TRIM66: variants seen among roughly 807,000 people sequenced by gnomAD.
TRIM66 encodes the protein tripartite motif-containing protein 66.
Under a neutral mutation model 148.2 loss-of-function variants are expected in TRIM66, and 99 were observed. That is an observed-to-expected ratio of 0.67 (90% CI 0.57 to 0.79). TRIM66 has a LOEUF of 0.79. TRIM66 is among the 30% of genes least tolerant of loss of function. The pLI is 0.00. For missense variants in TRIM66, 1,666 were observed against 1,697.9 expected, an observed-to-expected ratio of 0.98 and a Z score of 0.33; for synonymous variants, 616 against 635.9, an observed-to-expected ratio of 0.97 and a Z score of 0.47.
At chr11:8,628,636 A>AAAAAAAAAGAGAGAG (rs1555042270) in intron 15 of TRIM66, among the ~76,000 whole-genome samples, 9 of 93,336 alleles carry the variant, frequency 9.6e-5, no homozygotes, top group East Asian at 2.8e-4. Context: ...AAAAAAAAAA[A>AAAAAAAAAGAGAGAG]AGAGAGAGAA....
intron 21 of TRIM66, 99 bp downstream of exon 21, chr11:8,620,347 C>T (rs945362990): frequency 6.7e-7 from 1 of 1,494,606 alleles, no homozygotes. Context: ...AGAAATGTAT[C>T]CAGAAAAGCC....
At chr11:8,621,840 C>T (rs1414071760) in intron 18 of TRIM66, 21 bp from the exon 19 acceptor site, 10 of 1,520,672 alleles carry the variant, frequency 6.6e-6, no homozygotes, top group Non-Finnish European at 8.8e-6. Context: ...ACAGACACCC[C>T]GGGGTCTTGG....
chr11:8,665,683 C>T (rs1235167831), intron 6 of TRIM66, among the ~76,000 whole-genome samples: 2 of 152,196 alleles, frequency 1.3e-5, no homozygotes, highest in African/African-American at 4.8e-5. Flanking sequence ...TTAAGCCAGG[C>T]ACGGTGGCTC....
intron 15 of TRIM66, among the ~76,000 whole-genome samples, chr11:8,629,704 C>T (rs2035212152): frequency 6.6e-6 from 1 of 152,192 alleles, no homozygotes; most frequent in Non-Finnish European, 1.5e-5. Context: ...ACCTGATGAA[C>T]CTGGTCCCGT....
intron 20 of TRIM66, 82 bp from the exon 21 acceptor site, chr11:8,620,654 G>C: frequency 6.7e-7 from 1 of 1,493,284 alleles, no homozygotes; most frequent in East Asian, 2.5e-5. Flanking sequence ...TATGGCAGGC[G>C]TGAGAAACTG....
chr11:8,621,836 A>G lies in TRIM66; in HGVS notation c.3081-17T>C, dbSNP rs1391053132. 1.3e-6 allele frequency: 2 copies of G among 1,522,002 alleles called. No homozygotes were observed. Among genetic ancestry groups the G allele is most frequent in the African/African-American group, 2.8e-5 (2 of 71,744 alleles). 94.3% of individuals were successfully genotyped at this position (1,522,002 alleles called of 1,614,324 possible). A position where few individuals can be genotyped will look rare whatever the true frequency, so the allele number is the denominator to read the frequency against. ...TTGAAGGCTCTGCAGCAAGACAGAC[A>G]CCCCGGGGTCTTGGTGGGATCCTCC... On this transcript the variant is annotated splice_polypyrimidine_tract_variant and intron_variant, in intron 18 of 24. Coordinates refer to ENST00000646038, the MANE Select transcript of TRIM66 (RefSeq NM_001388022.1).
rs1306862526 is a variant in TRIM66 at position 8,643,020 on chromosome 11, A to G, written c.1211T>C (p.Leu404Pro). Residue 404 changes from leucine (L) to proline (P), a missense_variant, in exon 13 of 25, where the codon CTA becomes CCA. Around this residue, in one of 3 missense-constraint regions of TRIM66, gnomAD observed 1,431 missense variants for 1,412.4 expected, o/e 1.01. Coordinates refer to ENST00000646038, the MANE Select transcript of TRIM66 (RefSeq NM_001388022.1). Reference protein sequence around the residue: ...TWEPNFWTKQLASLGCITTEG... With the variant: ...TWEPNFWTKQPASLGCITTEG... ...GGGTCCAAGCTCACCAAGAGAAGCT[A>G]GCTGCTTGGTCCAGAAGTTAGGCTC... The G allele has an allele frequency of 1.3e-6, 2 of 1,550,398 alleles. No individual in the cohort carries two copies. Among genetic ancestry groups the G allele is most frequent in the East Asian group, 2.4e-5 (1 of 40,874 alleles).
At position 8,652,269 on chromosome 11, in the gene TRIM66, C is replaced by T. The variant is rs527744996; in HGVS notation, c.341-366G>A. 6.6e-5 allele frequency among the ~76,000 whole-genome samples: 10 copies of T among 152,272 alleles called. No homozygotes were observed. In the South Asian group the frequency reaches 2.1e-3, roughly 32 times the overall value. On this transcript the variant is annotated intron_variant, in intron 6 of 24. Coordinates refer to ENST00000646038, the MANE Select transcript of TRIM66 (RefSeq NM_001388022.1). Reference sequence around the variant, plus strand: ...ATCCCTGAGAGCACAGCTCCCATCACTAGCCAAGATCCAGAGTCAGTTTAG... The same window carrying T: ...ATCCCTGAGAGCACAGCTCCCATCATTAGCCAAGATCCAGAGTCAGTTTAG...
chr11:8,674,496 C>T (rs2039086296), intron 4 of TRIM66, among the ~76,000 whole-genome samples: 1 of 152,200 alleles, frequency 6.6e-6, no homozygotes, highest in African/African-American at 2.4e-5. Flanking sequence ...CTTCTTGCTT[C>T]AGCCTCCTAG....
chr11:8,618,689 G>C (rs925595218), intron 24 of TRIM66, 61 bp downstream of exon 24: 1 of 1,446,344 alleles, frequency 6.9e-7, no homozygotes, highest in Non-Finnish European at 9.4e-7. Flanking sequence ...GGTTCTGCTT[G>C]GGTGCCCCTC....
At position 8,615,051 on chromosome 11, in the gene TRIM66, C is replaced by T. The variant is rs1402625229; in HGVS notation, c.*2893G>A. ...TCAAGCAATTCTCCTGCCTCAGCCT[C>T]CCAAGTAGCTGGGATTACAGGCATG... On this transcript the variant is annotated 3_prime_UTR_variant, in exon 25 of 25. Coordinates refer to ENST00000646038, the MANE Select transcript of TRIM66 (RefSeq NM_001388022.1). 2 of 152,298 alleles carry T rather than the reference C, an allele frequency of 1.3e-5. No homozygotes were observed. The highest frequency in any genetic ancestry group is 1.5e-5 in the Non-Finnish European group (1 of 68,164). 9.4% of individuals were successfully genotyped at this position (152,298 alleles called of 1,614,324 possible). A position where few individuals can be genotyped will look rare whatever the true frequency, so the allele number is the denominator to read the frequency against.
Position 8,627,397 on chromosome 11 carries a change from T to C in TRIM66, c.2311-2169A>G, listed in dbSNP as rs1288454283. On this transcript the variant is annotated intron_variant, in intron 15 of 24. Coordinates refer to ENST00000646038, the MANE Select transcript of TRIM66 (RefSeq NM_001388022.1). ...TTATACAGCTAAAGTTTATTGAGAA[T>C]TTATTATATGCAAGGCAATTTGCTA... 2.0e-5 allele frequency among the ~76,000 whole-genome samples: 3 copies of C among 152,234 alleles called. No homozygotes were observed. In the East Asian group the frequency reaches 5.8e-4, roughly 29 times the overall value.
chr11:8,647,867 C>A lies in TRIM66; in HGVS notation c.842+103G>T, dbSNP rs1040182369. On this transcript the variant is annotated intron_variant, in intron 10 of 24. Transcript: ENST00000646038. The stretch of plus-strand genomic sequence containing the variant: ...ACATATGCCCACATCTGCTTAACCA[C>A]AGTTCCTCTTCACAGGCACTACATC... 3 of 891,722 alleles carry A rather than the reference C, an allele frequency of 3.4e-6. No individual in the cohort carries two copies. The Middle Eastern group carries it at 7.3e-4, about 217-fold the overall frequency. The allele number at this position is 891,722 out of a possible 1,614,324, so 55.2% of individuals were successfully genotyped here.
intron 6 of TRIM66, among the ~76,000 whole-genome samples, chr11:8,661,524 C>A (rs78285579): frequency 1.3e-5 from 2 of 152,182 alleles, no homozygotes; most frequent in South Asian, 4.1e-4. Flanking sequence ...GATCCCTTTT[C>A]CAGCTGGGCC....
chr11:8,629,559 T>C (rs1212264902), intron 15 of TRIM66, among the ~76,000 whole-genome samples: 1 of 152,194 alleles, frequency 6.6e-6, no homozygotes, highest in Admixed American at 6.5e-5. Context: ...AGAGATCATA[T>C]TCGTGGGAAA....
intron 6 of TRIM66, among the ~76,000 whole-genome samples, chr11:8,653,796 AAAG>A (rs1168678708): frequency 6.6e-6 from 1 of 150,528 alleles, no homozygotes; most frequent in African/African-American, 2.5e-5. Flanking sequence ...CCAAAAAAAA[AAAG>A]AAAAGAAAAG....
rs1390033722 is a variant in TRIM66 at position 8,645,789 on chromosome 11, C to G, written c.1056G>C (p.Trp352Cys). The G allele has an allele frequency of 6.4e-7, 1 of 1,551,596 alleles. No homozygotes were observed. The change falls in exon 12 of 25, where the codon TGG becomes TGC. Residue 352 changes from tryptophan (W) to cysteine (C), a missense_variant. This residue lies in a region of TRIM66 where 1,431 missense variants were observed against 1,412.4 expected (regional missense o/e 1.01). Coordinates refer to ENST00000646038, the MANE Select transcript of TRIM66 (RefSeq NM_001388022.1). ...QFEHVQNFINWAVCSKTSVPF... is the reference protein window; with the variant it reads ...QFEHVQNFINCAVCSKTSVPF... Reference sequence around the variant, plus strand: ...GGACACTGGTTTTGCTGCAGACAGCCCAGTTGATGAAATTCTGCACATGCT... The same window carrying G: ...GGACACTGGTTTTGCTGCAGACAGCGCAGTTGATGAAATTCTGCACATGCT...
intron 15 of TRIM66, among the ~76,000 whole-genome samples, chr11:8,632,545 C>G (rs1254253967): frequency 6.7e-6 from 1 of 148,886 alleles, no homozygotes; most frequent in Non-Finnish European, 1.5e-5. Flanking sequence ...AACCTCTCCA[C>G]CTCCTAAGTT....
chr11:8,627,267 A>G lies in TRIM66; in HGVS notation c.2311-2039T>C, dbSNP rs2034941830. ...ATGAGCTGTTTAAAAATTCAAAACA[A>G]CACTAATACAGGACTGTTTATTCTA... On this transcript the variant is annotated intron_variant, in intron 15 of 24. Transcript: ENST00000646038. Among the ~76,000 whole-genome samples, 4 of 152,338 alleles carry G rather than the reference A, an allele frequency of 2.6e-5. No homozygotes were observed. The South Asian group carries it at 8.3e-4, about 32-fold the overall frequency.
Sources: gnomAD v4.1 joint callset for allele counts (sites outside exome capture counted in the v4.1 genomes callset) on GRCh38, gnomAD v4.1.1 for gene constraint, gnomAD v4.1.1 regional missense constraint, MANE v1.5 for transcripts, NCBI Gene and HGNC (gene_info 2026-07-23, HGNC 2026-07-21) for gene names.